The following ITGA9 variants were observed in gnomAD, a reference collection of about 807,000 sequenced individuals.
ITGA9 encodes integrin alpha-9.
A neutral mutation model predicts 127.8 loss-of-function variants in ITGA9; 56 were observed. That is an observed-to-expected ratio of 0.44 (90% CI 0.35 to 0.55). ITGA9 has a LOEUF of 0.55. ITGA9 is among the 20% of genes least tolerant of loss of function. The pLI, the probability that ITGA9 is intolerant of heterozygous loss-of-function variation, is 0.00. For missense variants in ITGA9, 1,196 were observed against 1,347.1 expected (o/e 0.89, Z 1.76); for synonymous variants, 508 against 514.5 (o/e 0.99, Z 0.17).
intron 23 of ITGA9, among the ~76,000 whole-genome samples, chr3:37,769,797 G>A (rs1696821622): frequency 6.6e-6 from 1 of 152,206 alleles, no homozygotes; most frequent in Non-Finnish European, 1.5e-5. Context: ...CTGACTTCCT[G>A]GTGGAGGGAG....
chr3:37,624,200 CTT>C (rs58307041), intron 15 of ITGA9, among the ~76,000 whole-genome samples: 12,667 of 85,618 alleles, frequency 0.15, 1,031 homozygotes, highest in Admixed American at 0.34. Context: ...AAAAAAAACC[CTT>C]TTTTTTTTTT....
chr3:37,526,541 C>G (rs1374040513), intron 13 of ITGA9, among the ~76,000 whole-genome samples: 1 of 152,204 alleles, frequency 6.6e-6, no homozygotes, highest in Non-Finnish European at 1.5e-5. Context: ...GCCTCCTGCC[C>G]GTTAGACAGC....
chr3:37,585,864 A>G (rs898065293), intron 15 of ITGA9, among the ~76,000 whole-genome samples: 16 of 152,148 alleles, frequency 1.1e-4, no homozygotes, highest in African/African-American at 3.9e-4. Context: ...TCGCTAGTGA[A>G]GATGGTATTT....
intron 26 of ITGA9, among the ~76,000 whole-genome samples, chr3:37,785,483 T>A (rs1697029044): frequency 6.6e-6 from 1 of 151,948 alleles, no homozygotes; most frequent in Admixed American, 6.6e-5. Flanking sequence ...TTTGGTTTGG[T>A]TTGGTTTGGT....
At chr3:37,637,567 T>C (rs1700292451) in intron 16 of ITGA9, among the ~76,000 whole-genome samples, 1 of 152,226 alleles carries the variant, frequency 6.6e-6, no homozygotes, top group Non-Finnish European at 1.5e-5. Flanking sequence ...TATACAATCA[T>C]GTCATCTGCA....
intron 15 of ITGA9, among the ~76,000 whole-genome samples, chr3:37,561,641 A>G (rs1252660799): frequency 6.6e-6 from 1 of 152,184 alleles, no homozygotes; most frequent in Non-Finnish European, 1.5e-5. Context: ...GCATTTCAGA[A>G]AGCCTGGTGG....
intron 23 of ITGA9, among the ~76,000 whole-genome samples, chr3:37,765,861 G>C (rs969033066): frequency 2.6e-5 from 4 of 152,236 alleles, no homozygotes; most frequent in African/African-American, 9.6e-5. Context: ...TTATCAAGGA[G>C]CCCAAATGTC....
At chr3:37,638,982 G>T (rs2125640187) in intron 16 of ITGA9, among the ~76,000 whole-genome samples, 1 of 152,292 alleles carries the variant, frequency 6.6e-6, no homozygotes, top group South Asian at 2.1e-4. Flanking sequence ...TAGGGCTTTG[G>T]CACTAGGCTC....
intron 18 of ITGA9, among the ~76,000 whole-genome samples, chr3:37,719,188 C>G (rs1257861289): frequency 6.6e-6 from 1 of 152,116 alleles, no homozygotes; most frequent in Admixed American, 6.5e-5. Context: ...TGGAGCTGAC[C>G]TGTTGAAGCA....
chr3:37,662,296 G>A (rs893283907), intron 17 of ITGA9, among the ~76,000 whole-genome samples: 9 of 151,998 alleles, frequency 5.9e-5, no homozygotes, highest in South Asian at 2.1e-4. Flanking sequence ...CCAGCTACTC[G>A]GGAGGCTGAG....
chr3:37,659,253 A>G (rs1347266352), intron 17 of ITGA9, among the ~76,000 whole-genome samples: 1 of 152,130 alleles, frequency 6.6e-6, no homozygotes, highest in Non-Finnish European at 1.5e-5. Flanking sequence ...GTTCTCCTGG[A>G]TAATATCCTG....
chr3:37,512,099 TCC>T, intron 8 of ITGA9, among the ~76,000 whole-genome samples: 1 of 118,460 alleles, frequency 8.4e-6, no homozygotes, highest in East Asian at 2.5e-4. Context: ...CTTCCTTCCT[TCC>T]TTCCTTCCTT....
At chr3:37,664,335 C>A (rs1027086719) in intron 17 of ITGA9, among the ~76,000 whole-genome samples, 1 of 151,928 alleles carries the variant, frequency 6.6e-6, no homozygotes, top group Non-Finnish European at 1.5e-5. Flanking sequence ...GACCTGGAGG[C>A]CTTGTTCAAT....
chr3:37,690,573 A>G lies in ITGA9; in HGVS notation c.2067+6558A>G, dbSNP rs2125666982. Among the ~76,000 whole-genome samples, 2 of 152,266 alleles carry G rather than the reference A, an allele frequency of 1.3e-5. 1 individual carries two copies. The highest frequency in any genetic ancestry group is 4.1e-4 in the South Asian group (2 of 4,822). On this transcript the variant is annotated intron_variant, in intron 18 of 27. Coordinates refer to ENST00000264741, the MANE Select transcript of ITGA9 (RefSeq NM_002207.3). ...ACTGTTATGGCATGCATGGAAACAGACCTGGACATGAAAGGATAAGCTTCA... is the reference window on the plus strand; with the variant it reads ...ACTGTTATGGCATGCATGGAAACAGGCCTGGACATGAAAGGATAAGCTTCA...
intron 15 of ITGA9, among the ~76,000 whole-genome samples, chr3:37,599,410 G>T (rs1699897107): frequency 6.6e-6 from 1 of 152,222 alleles, no homozygotes. Flanking sequence ...CAGCAGGCTG[G>T]CCTGGGCTTG....
intron 18 of ITGA9, among the ~76,000 whole-genome samples, chr3:37,694,764 G>A (rs896158264): frequency 6.6e-6 from 1 of 152,154 alleles, no homozygotes; most frequent in East Asian, 1.9e-4. Context: ...AAGGGGAAAG[G>A]GGGGAGTCTT....
At chr3:37,608,425 C>T (rs1699988445) in intron 15 of ITGA9, among the ~76,000 whole-genome samples, 2 of 137,908 alleles carry the variant, frequency 1.5e-5, no homozygotes, top group South Asian at 4.4e-4. Context: ...AATGACTCAA[C>T]CAAGTAAGAT....
rs912533326 is a variant in ITGA9 at position 37,820,878 on chromosome 3, G to A, written c.*1889G>A. The A allele has an allele frequency of 6.6e-6, 1 of 152,200 alleles. No homozygotes were observed. The highest frequency in any genetic ancestry group is 2.4e-5 in the African/African-American group (1 of 41,438). 9.4% of individuals were successfully genotyped at this position (152,200 alleles called of 1,614,324 possible). ...TTTTTACTGGAAGCTAACACGTTGGGAGTCCGTGAACATTGTCAAAAAGAC... is the reference window on the plus strand; with the variant it reads ...TTTTTACTGGAAGCTAACACGTTGGAAGTCCGTGAACATTGTCAAAAAGAC... On this transcript the variant is annotated 3_prime_UTR_variant, in exon 28 of 28. Coordinates refer to ENST00000264741, the MANE Select transcript of ITGA9 (RefSeq NM_002207.3).
At chr3:37,585,208 A>G (rs1254793360) in intron 15 of ITGA9, among the ~76,000 whole-genome samples, 2 of 152,102 alleles carry the variant, frequency 1.3e-5, no homozygotes, top group East Asian at 3.9e-4. Flanking sequence ...CCTTCAGTGA[A>G]TTCTTTTTGT....
Sources: allele counts gnomAD v4.1 joint callset (sites outside exome capture counted in the v4.1 genomes callset), GRCh38; gene constraint gnomAD v4.1.1; transcripts MANE v1.5; gene names NCBI Gene and HGNC (gene_info 2026-07-23, HGNC 2026-07-21).